GRM3: variants seen among roughly 807,000 people sequenced by gnomAD.
The protein encoded by GRM3 is metabotropic glutamate receptor 3.
GRM3 carries 26 observed loss-of-function variants against 70.5 expected under a neutral mutation model. The ratio of observed to expected loss-of-function variants is 0.37; its 90% CI spans 0.27 to 0.51. The LOEUF (loss-of-function observed/expected upper bound fraction) is 0.51. Ranked by LOEUF, GRM3 falls within the 20% of genes least tolerant of loss-of-function variation. The pLI is 0.93. For synonymous variants in GRM3, 443 were observed against 434.9 expected, an observed-to-expected ratio of 1.02 and a Z score of -0.23; for missense variants, 859 against 1,123.8, an observed-to-expected ratio of 0.76 and a Z score of 3.37.
intron 3 of GRM3, among the ~76,000 whole-genome samples, chr7:86,832,278 T>TTC: frequency 6.8e-6 from 1 of 147,478 alleles, no homozygotes; most frequent in East Asian, 2.0e-4. Context: ...GAGTTGGAGT[T>TTC]TCACTCTTGT....
chr7:86,843,156 T>C (rs1798589193), intron 4 of GRM3, among the ~76,000 whole-genome samples: 1 of 152,170 alleles, frequency 6.6e-6, no homozygotes, highest in African/African-American at 2.4e-5. Context: ...AAACAAACCT[T>C]CCTGATCAAC....
At chr7:86,734,256 A>G (rs1384444449) in intron 1 of GRM3, among the ~76,000 whole-genome samples, 1 of 152,170 alleles carries the variant, frequency 6.6e-6, no homozygotes, top group East Asian at 1.9e-4. Context: ...ATCAATATAC[A>G]GTGTATATTG....
At chr7:86,688,341 T>A (rs946696510) in intron 1 of GRM3, among the ~76,000 whole-genome samples, 1 of 151,666 alleles carries the variant, frequency 6.6e-6, no homozygotes, top group African/African-American at 2.4e-5. Context: ...AGAAAAATTA[T>A]GTGGTTAAAT....
At chr7:86,848,495 CT>C (rs1798698440) in intron 4 of GRM3, among the ~76,000 whole-genome samples, 1 of 152,094 alleles carries the variant, frequency 6.6e-6, no homozygotes, top group South Asian at 2.1e-4. Context: ...TTCATGTGAT[CT>C]TTAGAAATTA....
At chr7:86,753,541 C>T (rs1014937958) in intron 1 of GRM3, among the ~76,000 whole-genome samples, 1 of 151,982 alleles carries the variant, frequency 6.6e-6, no homozygotes, top group African/African-American at 2.4e-5. Flanking sequence ...ATAATATTCA[C>T]CCTTTCTACA....
At chr7:86,793,854 A>C (rs1231602267) in intron 3 of GRM3, among the ~76,000 whole-genome samples, 1 of 152,042 alleles carries the variant, frequency 6.6e-6, no homozygotes, top group African/African-American at 2.4e-5. Context: ...AATAATCCTT[A>C]ATTTATTATG....
At chr7:86,688,403 C>T (rs948431245) in intron 1 of GRM3, among the ~76,000 whole-genome samples, 3 of 151,606 alleles carry the variant, frequency 2.0e-5, no homozygotes, top group Admixed American at 6.6e-5. Flanking sequence ...TAAAGATGTA[C>T]ATTTCAAAGT....
intron 4 of GRM3, among the ~76,000 whole-genome samples, chr7:86,849,263 T>C (rs576478347): frequency 1.3e-5 from 2 of 152,220 alleles, no homozygotes; most frequent in Admixed American, 6.5e-5. Flanking sequence ...GCAGCTTGTT[T>C]TCTGAGAATT....
intron 3 of GRM3, among the ~76,000 whole-genome samples, chr7:86,833,506 G>A (rs1798396274): frequency 3.3e-5 from 5 of 152,150 alleles, no homozygotes; most frequent in Admixed American, 3.3e-4. Flanking sequence ...TTGACTTAGA[G>A]GCAACTCTAA....
intron 2 of GRM3, among the ~76,000 whole-genome samples, chr7:86,773,917 A>C (rs1043256326): frequency 2.0e-5 from 3 of 152,142 alleles, no homozygotes; most frequent in Admixed American, 2.0e-4. Context: ...AGTTGCCGTC[A>C]GGACCACTGT....
intron 3 of GRM3, among the ~76,000 whole-genome samples, chr7:86,828,177 G>A (rs1475410647): frequency 6.7e-6 from 1 of 149,178 alleles, no homozygotes; most frequent in African/African-American, 2.5e-5. Flanking sequence ...TTATAAAAGG[G>A]TATTTATAGA....
intron 3 of GRM3, among the ~76,000 whole-genome samples, chr7:86,803,189 A>G (rs1365099666): frequency 3.9e-5 from 6 of 152,234 alleles, no homozygotes; most frequent in African/African-American, 1.4e-4. Context: ...CTTCATTTCT[A>G]TTCACTATGT....
intron 4 of GRM3, among the ~76,000 whole-genome samples, chr7:86,845,813 AG>A (rs1258922193): frequency 1.3e-5 from 2 of 152,164 alleles, no homozygotes; most frequent in Admixed American, 6.6e-5. Context: ...TGCACCTAAA[AG>A]ACTAAATTAT....
intron 1 of GRM3, among the ~76,000 whole-genome samples, chr7:86,757,759 A>G (rs1796382606): frequency 6.6e-6 from 1 of 151,966 alleles, no homozygotes; most frequent in Non-Finnish European, 1.5e-5. Flanking sequence ...TGGGGTAACC[A>G]TGGGGTTTCC....
chr7:86,702,856 G>A (rs1401631598), intron 1 of GRM3, among the ~76,000 whole-genome samples: 5 of 151,940 alleles, frequency 3.3e-5, no homozygotes, highest in African/African-American at 1.2e-4. Flanking sequence ...TGTGTGTCAA[G>A]AAGTAGCTGA....
At position 86,843,875 on chromosome 7, in the gene GRM3, G is replaced by A. The variant is rs145448943; in HGVS notation, c.2391+3970G>A. Reference sequence around the variant, plus strand: ...TTTTTAAAAAATCACCTTGAAAAGCGGGTTACTGCAGTTTATCTCAAATTT... The same window carrying A: ...TTTTTAAAAAATCACCTTGAAAAGCAGGTTACTGCAGTTTATCTCAAATTT... On this transcript the variant is annotated intron_variant, in intron 4 of 5. Coordinates refer to ENST00000361669, the MANE Select transcript of GRM3 (RefSeq NM_000840.3). Among the ~76,000 whole-genome samples, 87 of 152,216 alleles carry A rather than the reference G, an allele frequency of 5.7e-4. 1 individual carries two copies. In the East Asian group the frequency reaches 0.016, roughly 28 times the overall value.
chr7:86,800,244 G>A (rs1197818369), intron 3 of GRM3, among the ~76,000 whole-genome samples: 1 of 152,114 alleles, frequency 6.6e-6, no homozygotes, highest in Non-Finnish European at 1.5e-5. Context: ...AGAACCAAGA[G>A]CAATCAAACC....
At chr7:86,758,529 C>A (rs1796402149) in intron 1 of GRM3, among the ~76,000 whole-genome samples, 1 of 152,056 alleles carries the variant, frequency 6.6e-6, no homozygotes, top group Non-Finnish European at 1.5e-5. Context: ...TGTGTACGTG[C>A]ACACATACCA....
chr7:86,651,948 C>G (rs1024517), intron 1 of GRM3, among the ~76,000 whole-genome samples: 42,982 of 152,080 alleles, frequency 0.28, 8,123 homozygotes, highest in East Asian at 0.71. Flanking sequence ...AGTTCTAGAA[C>G]CACATAACGT....
Sources: allele counts gnomAD v4.1 joint callset (sites outside exome capture counted in the v4.1 genomes callset), GRCh38; gene constraint gnomAD v4.1.1; transcripts MANE v1.5; gene names NCBI Gene and HGNC (gene_info 2026-07-23, HGNC 2026-07-21).